Variants in DIS3L2 observed in about 807,000 individuals in gnomAD.
The protein encoded by DIS3L2 is DIS3 like 3'-5' exoribonuclease 2.
A neutral mutation model predicts 97.5 loss-of-function variants in DIS3L2; 34 were observed. That is an observed-to-expected ratio of 0.35 (90% CI 0.27 to 0.46). The LOEUF (loss-of-function observed/expected upper bound fraction) is 0.46. Among genes scored for constraint, DIS3L2 ranks in the 20% least tolerant of loss-of-function variants. The pLI, the probability that DIS3L2 is intolerant of heterozygous loss-of-function variation, is 1.00. For synonymous variants in DIS3L2, 435 were observed against 445.2 expected, an observed-to-expected ratio of 0.98 and a Z score of 0.29; for missense variants, 1,038 against 1,146.0, an observed-to-expected ratio of 0.91 and a Z score of 1.36.
Position 232,293,853 on chromosome 2 carries a change from C to G in DIS3L2, c.1660-6187C>G, listed in dbSNP as rs1375391246. Among the ~76,000 whole-genome samples the G allele has an allele frequency of 6.6e-6, 1 of 152,218 alleles. No individual in the cohort carries two copies. The highest frequency in any genetic ancestry group is 1.5e-5 in the Non-Finnish European group (1 of 68,052). ...CCAGGTTTATGCTTCAGGAAAATAA[C>G]AGCTATGTTCTAGAGAGCGGATTAG... On this transcript the variant is annotated intron_variant, in intron 13 of 20. Transcript: ENST00000325385. This position sits in a 1 kb window ranked among gnomAD's most constrained non-coding sequence, Gnocchi z 4.6.
Position 232,336,637 on chromosome 2 carries a change from C to T in DIS3L2, c.*7C>T. ...GGACTCAAGCACCAGCTGAGCTCCA[C>T]CAGCCGCCTGCCCCGCCTGCCCCGC... On this transcript the variant is annotated 3_prime_UTR_variant, in exon 21 of 21. Coordinates refer to ENST00000325385, the MANE Select transcript of DIS3L2 (RefSeq NM_152383.5). The T allele has an allele frequency of 1.3e-6, 2 of 1,563,438 alleles. No homozygotes were observed. The highest frequency in any genetic ancestry group is 1.7e-6 in the Non-Finnish European group (2 of 1,158,552).
At chr2:232,010,306 C>G (rs1694162147) in intron 1 of DIS3L2, among the ~76,000 whole-genome samples, 2 of 152,024 alleles carry the variant, frequency 1.3e-5, no homozygotes, top group Admixed American at 6.6e-5. Context: ...GTGTGTCTCC[C>G]TGTCTCTGTC....
At chr2:232,309,222 C>A (rs1695060428) in intron 14 of DIS3L2, among the ~76,000 whole-genome samples, 1 of 141,658 alleles carries the variant, frequency 7.1e-6, no homozygotes, top group South Asian at 2.2e-4. Flanking sequence ...CCCCTTTGCC[C>A]ACTAGGTAGT....
At chr2:232,117,470 C>T (rs1187609112) in intron 6 of DIS3L2, among the ~76,000 whole-genome samples, 4 of 152,140 alleles carry the variant, frequency 2.6e-5, no homozygotes, top group East Asian at 1.9e-4. Flanking sequence ...AAGAGTAAAG[C>T]GTAGCATTTT....
At chr2:232,097,082 CA>C (rs1469859837) in intron 6 of DIS3L2, among the ~76,000 whole-genome samples, 1 of 152,104 alleles carries the variant, frequency 6.6e-6, no homozygotes, top group South Asian at 2.1e-4. Context: ...TCCAGGTATT[CA>C]AAAGGATTTG....
At chr2:232,286,359 A>C (rs1299293850) in intron 13 of DIS3L2, among the ~76,000 whole-genome samples, 1 of 152,110 alleles carries the variant, frequency 6.6e-6, no homozygotes, top group South Asian at 2.1e-4. Flanking sequence ...GGCAGACAGC[A>C]AGGCTTTGAA....
chr2:232,083,747 G>A (rs1355832754), intron 5 of DIS3L2, among the ~76,000 whole-genome samples: 8 of 152,094 alleles, frequency 5.3e-5, no homozygotes, highest in Non-Finnish European at 1.5e-5. Context: ...TGCCTGCATT[G>A]TCCTTCCAAA....
chr2:232,051,811 C>CAAAAAAA (rs58851349), intron 5 of DIS3L2, among the ~76,000 whole-genome samples: 24 of 37,066 alleles, frequency 6.5e-4, no homozygotes, highest in Non-Finnish European at 9.1e-4. Flanking sequence ...GACTCCGTCT[C>CAAAAAAA]AAAAAAAAAA....
At chr2:232,196,128 G>C (rs936748967) in intron 9 of DIS3L2, among the ~76,000 whole-genome samples, 1 of 151,794 alleles carries the variant, frequency 6.6e-6, no homozygotes, top group Non-Finnish European at 1.5e-5. Flanking sequence ...TATTATACAG[G>C]GTCTTGCTCT....
Position 232,263,332 on chromosome 2 carries a change from C to T in DIS3L2, c.1551C>T (p.Ser517=). ...CTGCGAAAGAGCTGCCCCCCATTTC[C>T]CCAGAGCATAGCAGCGAGGAGGTAC... ...KIPAKELPPI[S]PEHSSEEVHQ... is the part of the protein sequence containing the mutation. The change falls in exon 13 of 21, where the codon TCC becomes TCT. Residue 517 remains serine, a synonymous_variant. Coordinates refer to ENST00000325385, the MANE Select transcript of DIS3L2 (RefSeq NM_152383.5). 6.2e-7 allele frequency: 1 copy of T among 1,614,180 alleles called. No individual in the cohort carries two copies. The highest frequency in any genetic ancestry group is 8.5e-7 in the Non-Finnish European group (1 of 1,180,032).
At chr2:232,089,640 A>G (rs1218996590) in intron 6 of DIS3L2, among the ~76,000 whole-genome samples, 3 of 152,224 alleles carry the variant, frequency 2.0e-5, no homozygotes, top group Non-Finnish European at 4.4e-5. Flanking sequence ...ACTTTAAAGC[A>G]TATTGAGTAT....
rs1695843775 is a variant in DIS3L2 at position 232,333,778 on chromosome 2, GC to G, written c.2011-60del. On this transcript the variant is annotated intron_variant, in intron 16 of 20. Coordinates refer to ENST00000325385, the MANE Select transcript of DIS3L2 (RefSeq NM_152383.5). The stretch of plus-strand genomic sequence containing the variant: ...GACGGTGAGGCTGTGGGTGGTGCCA[GC>G]CTTCCAGGCCTGGCTGGGCAGCTCT... 9 of 1,529,322 alleles carry G rather than the reference GC, an allele frequency of 5.9e-6. No homozygotes were observed. The East Asian group carries it at 2.1e-4, about 35-fold the overall frequency. The allele number at this position is 1,529,322 out of a possible 1,614,324, so 94.7% of individuals were successfully genotyped here.
At chr2:232,185,682 A>C (rs752350108) in intron 9 of DIS3L2, among the ~76,000 whole-genome samples, 1 of 152,104 alleles carries the variant, frequency 6.6e-6, no homozygotes, top group Non-Finnish European at 1.5e-5. Flanking sequence ...TAAAAAAATA[A>C]AAACAAAAAA....
At chr2:232,096,285 A>G (rs565195805) in intron 6 of DIS3L2, among the ~76,000 whole-genome samples, 1 of 151,514 alleles carries the variant, frequency 6.6e-6, no homozygotes, top group African/African-American at 2.4e-5. Flanking sequence ...ACAGGGTTTC[A>G]CCGTGTTAGC....
chr2:232,302,679 G>A (rs547986859), intron 14 of DIS3L2, among the ~76,000 whole-genome samples: 1 of 151,616 alleles, frequency 6.6e-6, no homozygotes, highest in African/African-American at 2.4e-5. Context: ...TCCTGCCTCA[G>A]CCTCCCGAAT....
At position 232,162,406 on chromosome 2, in the gene DIS3L2, G is replaced by T. The variant is rs1302335993; in HGVS notation, c.951-1053G>T. ...CATCACTGCTGCATTCCAGTGGCAA[G>T]GCTGAAGATTGGAATTTGTTAAAAG... On this transcript the variant is annotated intron_variant, in intron 8 of 20. Transcript: ENST00000325385. 4.6e-5 allele frequency among the ~76,000 whole-genome samples: 7 copies of T among 152,342 alleles called. No individual in the cohort carries two copies. The East Asian group carries it at 1.2e-3, about 25-fold the overall frequency.
chr2:232,307,547 G>T (rs1695020625), intron 14 of DIS3L2: 1 of 152,100 alleles, frequency 6.6e-6, no homozygotes, highest in African/African-American at 2.4e-5. Context: ...GAAGAACAGT[G>T]ATAGCTATGA....
chr2:232,299,641 G>T (rs1694807884), intron 13 of DIS3L2, among the ~76,000 whole-genome samples: 1 of 152,132 alleles, frequency 6.6e-6, no homozygotes, highest in Non-Finnish European at 1.5e-5. Context: ...TTGCTTCAGA[G>T]AGCCTATTTT....
intron 5 of DIS3L2, among the ~76,000 whole-genome samples, chr2:232,040,872 T>C (rs1695093090): frequency 6.6e-6 from 1 of 152,200 alleles, no homozygotes; most frequent in Non-Finnish European, 1.5e-5. Context: ...TATTTGTTAT[T>C]CCAGAGATAT....
Sources: gnomAD v4.1 joint callset for allele counts (sites outside exome capture counted in the v4.1 genomes callset) on GRCh38, gnomAD v4.1.1 for gene constraint, Gnocchi (gnomAD v3.1) non-coding constraint, MANE v1.5 for transcripts, NCBI Gene and HGNC (gene_info 2026-07-23, HGNC 2026-07-21) for gene names.